RBPJ: variants seen among roughly 807,000 people sequenced by gnomAD.
The protein encoded by RBPJ is recombination signal binding protein for immunoglobulin kappa J region.
A neutral mutation model predicts 67.8 loss-of-function variants in RBPJ; 9 were observed. That is an observed-to-expected ratio of 0.13 (90% CI 0.08 to 0.23). The LOEUF (loss-of-function observed/expected upper bound fraction) is 0.23. RBPJ is among the 10% of genes least tolerant of loss of function. RBPJ has a pLI of 1.00. For synonymous variants in RBPJ, 198 were observed against 203.3 expected (o/e 0.97, Z 0.22); for missense variants, 305 against 595.6 (o/e 0.51, Z 5.08).
chr4:26,110,969 C>G, the RBPJ span, among the ~76,000 whole-genome samples: 1 of 152,356 alleles, frequency 6.6e-6, no homozygotes, highest in East Asian at 1.9e-4. The surrounding 1 kb of genome is among the most constrained non-coding windows in gnomAD (Gnocchi z 4.5). Context: ...AAATTCCTTT[C>G]TAGTTAGGCT....
chr4:26,329,724 C>G lies in RBPJ; in HGVS notation c.20+8676C>G, dbSNP rs1183930120. On this transcript the variant is annotated intron_variant, in intron 1 of 10. Coordinates refer to ENST00000355476, the MANE Select transcript of RBPJ (RefSeq NM_015874.6). Reference sequence around the variant, plus strand: ...CCTGGCTAACACGGTGAAACCCTGTCTCTACTAAAAATACAAAAAATTAGC... The same window carrying G: ...CCTGGCTAACACGGTGAAACCCTGTGTCTACTAAAAATACAAAAAATTAGC... 2.0e-5 allele frequency among the ~76,000 whole-genome samples: 3 copies of G among 152,138 alleles called. No homozygotes were observed. The South Asian group carries it at 6.2e-4, about 32-fold the overall frequency.
chr4:26,307,952 C>T (rs910544667), intron 1 of RBPJ, among the ~76,000 whole-genome samples: 4 of 152,118 alleles, frequency 2.6e-5, no homozygotes, highest in African/African-American at 9.7e-5. Context: ...GTTATAATAT[C>T]TAACATGGAG....
the RBPJ span, among the ~76,000 whole-genome samples, chr4:26,111,258 C>T: frequency 6.6e-6 from 1 of 152,156 alleles, no homozygotes; most frequent in Non-Finnish European, 1.5e-5. Flanking sequence ...GTCCCCCCAG[C>T]CCCAAGCTCT....
intron 1 of RBPJ, among the ~76,000 whole-genome samples, chr4:26,214,958 AGGAGGGAGGGAGGGAGGGAAGGAAGGAG>A (rs745600513): frequency 0.1 from 4,816 of 46,180 alleles, 631 homozygotes; most frequent in African/African-American, 0.28. Flanking sequence ...GACGGAAGGA[AGGAGGGAGGGAGGGAGGGAAGGAAGGAG>A]GGAGGGAGGG....
intron 1 of RBPJ, among the ~76,000 whole-genome samples, chr4:26,368,878 G>A (rs537165020): frequency 2.0e-5 from 3 of 152,272 alleles, no homozygotes; most frequent in Non-Finnish European, 4.4e-5. Context: ...TTATAAAATG[G>A]GGGGTGACTG....
chr4:26,307,324 C>T (rs1013719700), intron 1 of RBPJ, among the ~76,000 whole-genome samples: 4 of 152,204 alleles, frequency 2.6e-5, no homozygotes, highest in African/African-American at 7.2e-5. Flanking sequence ...GGCATACAAC[C>T]TTTTGAAAAC....
chr4:26,142,439 G>A, the RBPJ span, among the ~76,000 whole-genome samples: 1 of 152,214 alleles, frequency 6.6e-6, no homozygotes, highest in Non-Finnish European at 1.5e-5. Context: ...GCCTTCACTG[G>A]GCAGCTGGTG....
intron 1 of RBPJ, among the ~76,000 whole-genome samples, chr4:26,206,273 C>T (rs185873374): frequency 9.3e-4 from 142 of 152,108 alleles, no homozygotes; most frequent in Non-Finnish European, 1.7e-3. Context: ...AGTGTTTTTT[C>T]GCCCTTGGTG....
intron 1 of RBPJ, among the ~76,000 whole-genome samples, chr4:26,375,982 C>T (rs1002925526): frequency 1.3e-5 from 2 of 152,110 alleles, no homozygotes; most frequent in Non-Finnish European, 2.9e-5. Context: ...TTGACAACTA[C>T]TTGTCTGTTT....
intron 1 of RBPJ, among the ~76,000 whole-genome samples, chr4:26,230,458 C>A (rs1196515066): frequency 1.3e-5 from 2 of 152,186 alleles, no homozygotes; most frequent in Non-Finnish European, 2.9e-5. Context: ...TCACCAAAAC[C>A]CTTGCAGTTA....
intron 1 of RBPJ, among the ~76,000 whole-genome samples, chr4:26,178,301 A>G (rs999098977): frequency 3.9e-5 from 6 of 152,214 alleles, no homozygotes; most frequent in African/African-American, 1.4e-4. Context: ...CAGGGACTCC[A>G]TGGCCCCTTA....
chr4:26,300,114 C>T (rs1245328078), intron 1 of RBPJ, among the ~76,000 whole-genome samples: 1 of 152,072 alleles, frequency 6.6e-6, no homozygotes, highest in Non-Finnish European at 1.5e-5. Flanking sequence ...AAGATGGCAT[C>T]GCACCTTATC....
intron 1 of RBPJ, among the ~76,000 whole-genome samples, chr4:26,371,999 C>T (rs1180171875): frequency 1.3e-5 from 2 of 152,206 alleles, no homozygotes; most frequent in Admixed American, 6.5e-5. Context: ...TGTGGCTTTC[C>T]GACCTTCGTT....
intron 1 of RBPJ, among the ~76,000 whole-genome samples, chr4:26,253,254 T>C (rs1284100126): frequency 6.6e-6 from 1 of 151,422 alleles, no homozygotes; most frequent in Non-Finnish European, 1.5e-5. Flanking sequence ...ATAAACAAAA[T>C]TAAAACTCTT....
intron 1 of RBPJ, among the ~76,000 whole-genome samples, chr4:26,243,344 T>A (rs1719714713): frequency 6.6e-6 from 1 of 152,096 alleles, no homozygotes; most frequent in African/African-American, 2.4e-5. Context: ...ATGAAGTGAG[T>A]CTGTCACTGA....
At chr4:26,246,973 CT>C (rs56160527) in intron 1 of RBPJ, among the ~76,000 whole-genome samples, 2,467 of 121,894 alleles carry the variant, frequency 0.02, 7 homozygotes, top group Middle Eastern at 0.034. Context: ...ACATAATACG[CT>C]TTTTTTTTTT....
At chr4:26,392,793 A>G (rs1184814757) in intron 2 of RBPJ, among the ~76,000 whole-genome samples, 1 of 152,230 alleles carries the variant, frequency 6.6e-6, no homozygotes. Flanking sequence ...AAATAAGTGT[A>G]TTTTACTATA....
At chr4:26,390,820 C>A (rs1324032986) in intron 2 of RBPJ, among the ~76,000 whole-genome samples, 1 of 152,092 alleles carries the variant, frequency 6.6e-6, no homozygotes, top group East Asian at 1.9e-4. Context: ...ATTGAAAGGC[C>A]AAGGTGTGAG....
intron 1 of RBPJ, among the ~76,000 whole-genome samples, chr4:26,375,207 T>A (rs1245166625): frequency 6.7e-6 from 1 of 149,160 alleles, no homozygotes; most frequent in African/African-American, 2.5e-5. Context: ...GGGAGTAGGA[T>A]CACTTCAGCC....
Sources: allele counts gnomAD v4.1 joint callset (sites outside exome capture counted in the v4.1 genomes callset), GRCh38; gene constraint gnomAD v4.1.1; non-coding constraint Gnocchi (gnomAD v3.1); transcripts MANE v1.5; gene names NCBI Gene and HGNC (gene_info 2026-07-23, HGNC 2026-07-21).